DET1: variants seen among roughly 807,000 people sequenced by gnomAD.
The protein encoded by DET1 is DET1 homolog.
Under a neutral mutation model 43.7 loss-of-function variants are expected in DET1, and 22 were observed. The observed-to-expected ratio is 0.50, with a 90% CI of 0.36 to 0.72. DET1 has a LOEUF of 0.72. Among genes scored for constraint, DET1 ranks in the 30% least tolerant of loss-of-function variants. The pLI is 0.00. For missense variants in DET1, 713 were observed against 713.3 expected, an observed-to-expected ratio of 1.00 and a Z score of 0.00; for synonymous variants, 315 against 266.2, an observed-to-expected ratio of 1.18 and a Z score of -1.79.
intron 3 of DET1, among the ~76,000 whole-genome samples, chr15:88,519,421 C>T (rs2056431924): frequency 6.6e-6 from 1 of 152,158 alleles, no homozygotes; most frequent in Non-Finnish European, 1.5e-5. Context: ...CAGTCACACC[C>T]TCAACCTCAC....
At chr15:88,510,710 C>T (rs966557637), downstream of DET1, among the ~76,000 whole-genome samples, 1 of 151,706 alleles carries the variant, frequency 6.6e-6, no homozygotes, top group Non-Finnish European at 1.5e-5. Context: ...CCGTAACTCC[C>T]TCGTAAGTTG....
At chr15:88,537,565 T>C (rs2056985364) in intron 1 of DET1, among the ~76,000 whole-genome samples, 3 of 152,230 alleles carry the variant, frequency 2.0e-5, no homozygotes. Context: ...CATTTACATA[T>C]TGCTTTTGCC....
chr15:88,512,370 C>G (rs2056216919), downstream of DET1: 1 of 985,354 alleles, frequency 1.0e-6, no homozygotes, highest in Non-Finnish European at 1.2e-6. Flanking sequence ...CTCCCAGGAA[C>G]AGCTGCTGCA....
At chr15:88,523,584 C>T (rs867328280) in intron 3 of DET1, among the ~76,000 whole-genome samples, 14 of 152,172 alleles carry the variant, frequency 9.2e-5, no homozygotes, top group African/African-American at 1.9e-4. Context: ...GGATTGCAGG[C>T]GCGCACCGCC....
chr15:88,517,361 G>A (rs1287287333), intron 3 of DET1, among the ~76,000 whole-genome samples: 1 of 151,844 alleles, frequency 6.6e-6, no homozygotes, highest in Non-Finnish European at 1.5e-5. Flanking sequence ...GAGTAGGTGG[G>A]ACTACAGGCA....
At chr15:88,518,164 A>G (rs1256899904) in intron 3 of DET1, among the ~76,000 whole-genome samples, 1 of 149,032 alleles carries the variant, frequency 6.7e-6, no homozygotes, top group Non-Finnish European at 1.5e-5. Context: ...CTGGTCTTCA[A>G]CTCCTGGCCT....
intron 1 of DET1, among the ~76,000 whole-genome samples, chr15:88,535,356 GAAAA>G (rs1032584076): frequency 6.8e-6 from 1 of 146,958 alleles, no homozygotes; most frequent in Non-Finnish European, 1.5e-5. Context: ...TAAAAAGACT[GAAAA>G]AAAGTCAGTA....
At chr15:88,542,984 T>C (rs2057151320) in intron 1 of DET1, among the ~76,000 whole-genome samples, 1 of 152,214 alleles carries the variant, frequency 6.6e-6, no homozygotes, top group African/African-American at 2.4e-5. Context: ...CATCTCTGGA[T>C]ATTGGGGTTT....
chr15:88,502,863 G>A (rs1415697584), intron 8 of DET1: 2 of 152,234 alleles, frequency 1.3e-5, no homozygotes, highest in African/African-American at 4.8e-5. Context: ...GAAAGGCAAA[G>A]GTTAGAGCTG....
At chr15:88,502,726 T>G (rs1043263595) in intron 8 of DET1, 2 of 152,218 alleles carry the variant, frequency 1.3e-5, no homozygotes, top group Non-Finnish European at 2.9e-5. Context: ...CTCAGCTTTC[T>G]TGTTAACTCC....
chr15:88,542,434 G>A (rs2057134391), intron 1 of DET1, among the ~76,000 whole-genome samples: 2 of 152,112 alleles, frequency 1.3e-5, no homozygotes, highest in Non-Finnish European at 2.9e-5. Context: ...TGAGTCACCA[G>A]GAGCGTTTTT....
chr15:88,508,322 CA>C (rs1255225782), downstream of DET1, among the ~76,000 whole-genome samples: 1 of 152,176 alleles, frequency 6.6e-6, no homozygotes, highest in Non-Finnish European at 1.5e-5. Flanking sequence ...TTCCTTGTGC[CA>C]AAAATGTTGG....
chr15:88,517,650 T>C (rs1050431135), intron 3 of DET1, among the ~76,000 whole-genome samples: 2 of 152,218 alleles, frequency 1.3e-5, no homozygotes. Flanking sequence ...AGAACTTATT[T>C]TCCCCAAATA....
intron 1 of DET1, among the ~76,000 whole-genome samples, chr15:88,534,890 G>T (rs1384510082): frequency 6.6e-6 from 1 of 152,190 alleles, no homozygotes; most frequent in Admixed American, 6.5e-5. Context: ...TATTCAAAAT[G>T]TCTAGGAAAC....
intron 3 of DET1, among the ~76,000 whole-genome samples, chr15:88,522,664 A>G (rs2142281987): frequency 6.6e-6 from 1 of 151,020 alleles, no homozygotes; most frequent in East Asian, 1.9e-4. Flanking sequence ...GCCCGCCATC[A>G]CACACGGCTA....
At chr15:88,520,765 A>T (rs891509570) in intron 3 of DET1, among the ~76,000 whole-genome samples, 1 of 152,200 alleles carries the variant, frequency 6.6e-6, no homozygotes, top group Non-Finnish European at 1.5e-5. Context: ...TTAAACAACA[A>T]ATAATCAATC....
intron 1 of DET1, among the ~76,000 whole-genome samples, chr15:88,538,658 G>A (rs369871812): frequency 6.6e-6 from 1 of 152,142 alleles, no homozygotes; most frequent in Non-Finnish European, 1.5e-5. Context: ...AGGCCCCAGC[G>A]AGAAATTAAT....
intron 1 of DET1, among the ~76,000 whole-genome samples, chr15:88,542,737 A>G (rs1204638973): frequency 6.6e-6 from 1 of 152,222 alleles, no homozygotes; most frequent in Non-Finnish European, 1.5e-5. Flanking sequence ...GCTATCCAAG[A>G]GGGCAGAAAG....
intron 1 of DET1, among the ~76,000 whole-genome samples, chr15:88,541,922 T>C (rs963839708): frequency 1.3e-5 from 2 of 152,214 alleles, no homozygotes; most frequent in African/African-American, 4.8e-5. Flanking sequence ...GCCTCCCGGC[T>C]GTGACCGCGC....
Sources: gnomAD v4.1 joint callset for allele counts (sites outside exome capture counted in the v4.1 genomes callset) on GRCh38, gnomAD v4.1.1 for gene constraint, MANE v1.5 for transcripts, NCBI Gene and HGNC (gene_info 2026-07-23, HGNC 2026-07-21) for gene names.